CCDC201: variants seen among roughly 807,000 people sequenced by gnomAD.
The protein encoded by CCDC201 is coiled-coil domain containing 201.
chr7:45,871,275 GA>G (rs1562790653), intron 1 of CCDC201, among the ~76,000 whole-genome samples: 2 of 151,046 alleles, frequency 1.3e-5, no homozygotes. Flanking sequence ...GGCCACTTGG[GA>G]AAAAAATAAT....
chr7:45,860,689 A>G (rs1036405687), exon 3 of CCDC201: 5 of 152,178 alleles, frequency 3.3e-5, no homozygotes, highest in African/African-American at 9.7e-5. Context: ...TAAGTTTCTC[A>G]TCGTCTCCTG....
upstream of CCDC201, among the ~76,000 whole-genome samples, chr7:45,878,013 G>T (rs1205886877): frequency 1.3e-5 from 2 of 152,174 alleles, no homozygotes; most frequent in Non-Finnish European, 1.5e-5. Context: ...ATTTCAAAAG[G>T]GAGAAATTGG....
upstream of CCDC201, among the ~76,000 whole-genome samples, chr7:45,877,058 GC>G (rs1283565586): frequency 6.6e-6 from 1 of 152,178 alleles, no homozygotes; most frequent in Non-Finnish European, 1.5e-5. Context: ...GCTGACATGG[GC>G]CTTGGAGGGG....
exon 3 of CCDC201, chr7:45,860,707 G>T (rs553818820): frequency 1.3e-5 from 2 of 152,306 alleles, no homozygotes; most frequent in Admixed American, 6.5e-5. Flanking sequence ...CTGTCCCCAA[G>T]AATTTGGAAA....
intron 1 of CCDC201, among the ~76,000 whole-genome samples, chr7:45,869,821 T>TG (rs199644973): frequency 4.2e-4 from 61 of 145,028 alleles, no homozygotes; most frequent in African/African-American, 6.9e-4. Context: ...TGCTCCACAT[T>TG]TTTTTTTTTT....
In CCDC201 at chr7:45,870,981, C is replaced by T. The variant is rs960047210; in HGVS notation, c.18+2009G>A. ...TTATCAAACAGAAACTGCAAGGTAA[C>T]ATTAAGTATATTTTTATTAACAGAA... On this transcript the variant is annotated intron_variant, in intron 1 of 2. Transcript: ENST00000636578. 3.9e-5 allele frequency among the ~76,000 whole-genome samples: 6 copies of T among 152,118 alleles called. 1 individual carries two copies. Among genetic ancestry groups the T allele is most frequent in the South Asian group, 4.1e-4 (2 of 4,834 alleles).
At chr7:45,884,966 G>T in the CCDC201 span, among the ~76,000 whole-genome samples, 1 of 152,168 alleles carries the variant, frequency 6.6e-6, no homozygotes, top group African/African-American at 2.4e-5. Flanking sequence ...GTGAGGGAAA[G>T]AATGCAGACA....
At chr7:45,876,475 C>T (rs1359165909), upstream of CCDC201, among the ~76,000 whole-genome samples, 1 of 152,152 alleles carries the variant, frequency 6.6e-6, no homozygotes, top group African/African-American at 2.4e-5. Context: ...TCCCAAAATA[C>T]AGCACAAAGC....
chr7:45,880,101 A>G, the CCDC201 span, among the ~76,000 whole-genome samples: 1 of 152,216 alleles, frequency 6.6e-6, no homozygotes, highest in African/African-American at 2.4e-5. Flanking sequence ...ACAAAAAAAT[A>G]AAGTTACTGA....
chr7:45,863,783 GGTCA>G (rs569682259), intron 2 of CCDC201, among the ~76,000 whole-genome samples: 254 of 152,230 alleles, frequency 1.7e-3, no homozygotes, highest in African/African-American at 6.0e-3. Flanking sequence ...ATGGGTCAGT[GGTCA>G]GTGTCTTCCT....
chr7:45,869,716 C>T (rs921567588), intron 1 of CCDC201, among the ~76,000 whole-genome samples: 1 of 152,184 alleles, frequency 6.6e-6, no homozygotes, highest in African/African-American at 2.4e-5. Context: ...CTGCCTGCAC[C>T]ATGTTTCTAT....
the CCDC201 span, among the ~76,000 whole-genome samples, chr7:45,884,961 G>C: frequency 6.6e-6 from 1 of 152,110 alleles, no homozygotes; most frequent in African/African-American, 2.4e-5. Context: ...GTTGGGTGAG[G>C]GAAAGAATGC....
exon 3 of CCDC201, chr7:45,860,631 A>C (rs1388300297): frequency 1.3e-5 from 2 of 152,152 alleles, no homozygotes; most frequent in Non-Finnish European, 2.9e-5. Flanking sequence ...AGCGGGCAGC[A>C]CTCATTTCTC....
Position 45,861,908 on chromosome 7 carries a change from T to G in CCDC201, c.*1177A>C, listed in dbSNP as rs537572283. ...GATGCAAACATTTATATGAATAAAC[T>G]CTAGCTCTGTATTTAGTAACCATAA... On this transcript the variant is annotated 3_prime_UTR_variant, in exon 3 of 3. Coordinates refer to ENST00000636578, the Ensembl canonical transcript of CCDC201. The G allele has an allele frequency of 5.3e-5, 8 of 152,342 alleles. No individual in the cohort carries two copies. In the South Asian group the frequency reaches 1.7e-3, roughly 32 times the overall value. 9.4% of individuals were successfully genotyped at this position (152,342 alleles called of 1,614,324 possible). A position where few individuals can be genotyped will look rare whatever the true frequency, so the allele number is the denominator to read the frequency against.
At chr7:45,876,441 A>G (rs1269734930), upstream of CCDC201, among the ~76,000 whole-genome samples, 1 of 152,178 alleles carries the variant, frequency 6.6e-6, no homozygotes, top group East Asian at 1.9e-4. Context: ...GCTGCCAAGG[A>G]CCTAGCCTGG....
At chr7:45,868,123 C>G (rs552714709) in intron 1 of CCDC201, among the ~76,000 whole-genome samples, 1 of 152,300 alleles carries the variant, frequency 6.6e-6, no homozygotes, top group African/African-American at 2.4e-5. Context: ...ATGAGGCTGT[C>G]ATTGAGGTAT....
At chr7:45,878,221 G>T in the CCDC201 span, among the ~76,000 whole-genome samples, 1 of 152,252 alleles carries the variant, frequency 6.6e-6, no homozygotes, top group African/African-American at 2.4e-5. Context: ...TTGAGTGCCT[G>T]CAGCTTTTCC....
the CCDC201 span, among the ~76,000 whole-genome samples, chr7:45,879,110 G>C: frequency 6.6e-6 from 1 of 152,226 alleles, no homozygotes; most frequent in African/African-American, 2.4e-5. Flanking sequence ...AGCATAGCAA[G>C]ATTGACCTTT....
chr7:45,869,157 C>T (rs1340369145), intron 1 of CCDC201, among the ~76,000 whole-genome samples: 1 of 152,166 alleles, frequency 6.6e-6, no homozygotes, highest in Non-Finnish European at 1.5e-5. Flanking sequence ...ATGTGTTTCA[C>T]TTCCCACCAA....
Sources: gnomAD v4.1 joint callset for allele counts (sites outside exome capture counted in the v4.1 genomes callset) on GRCh38, gnomAD v4.1.1 for gene constraint, MANE v1.5 for transcripts, NCBI Gene and HGNC (gene_info 2026-07-23, HGNC 2026-07-21) for gene names.